CDH4: variants seen among roughly 807,000 people sequenced by gnomAD.
CDH4 encodes cadherin 4, also known as cadherin-4.
A neutral mutation model predicts 86.0 loss-of-function variants in CDH4; 33 were observed. That is an observed-to-expected ratio of 0.38 (90% CI 0.29 to 0.51). The LOEUF is 0.51. Among genes scored for constraint, CDH4 ranks in the 20% least tolerant of loss-of-function variants. The pLI is 0.86. For missense variants in CDH4, 1,114 were observed against 1,307.4 expected (o/e 0.85, Z 2.28); for synonymous variants, 555 against 549.4 (o/e 1.01, Z -0.14).
chr20:61,736,787 T>C (rs2088270847), intron 2 of CDH4, among the ~76,000 whole-genome samples: 1 of 151,952 alleles, frequency 6.6e-6, no homozygotes. Context: ...GATGGAGCCA[T>C]CATGAGGTCA....
chr20:61,595,755 G>A (rs2086552931), intron 2 of CDH4, among the ~76,000 whole-genome samples: 1 of 152,230 alleles, frequency 6.6e-6, no homozygotes, highest in Non-Finnish European at 1.5e-5. Context: ...GTACACTGCA[G>A]AGCTGGGCCA....
chr20:61,763,535 C>T (rs1002772864), intron 3 of CDH4, among the ~76,000 whole-genome samples: 9 of 152,226 alleles, frequency 5.9e-5, no homozygotes, highest in South Asian at 2.1e-4. Flanking sequence ...TGCAATGTGT[C>T]CAGAGGGTCT....
intron 4 of CDH4, among the ~76,000 whole-genome samples, chr20:61,799,997 G>A (rs549989177): frequency 2.7e-4 from 41 of 152,144 alleles, no homozygotes; most frequent in African/African-American, 9.6e-4. Flanking sequence ...CCCATGACCC[G>A]CTCGGCTGCA....
At chr20:61,496,967 T>G in intron 2 of CDH4, among the ~76,000 whole-genome samples, 1 of 151,866 alleles carries the variant, frequency 6.6e-6, no homozygotes, top group Non-Finnish European at 1.5e-5. Context: ...TTTTTTTTTT[T>G]TTTTTTTGCT....
In CDH4 at chr20:61,939,613, G is replaced by A. The variant is rs1436700380; in HGVS notation, c.*2670G>A. 1 of 152,310 alleles carries A rather than the reference G, an allele frequency of 6.6e-6. No homozygotes were observed. The highest frequency in any genetic ancestry group is 6.5e-5 in the Admixed American group (1 of 15,290). 9.4% of individuals were successfully genotyped at this position (152,310 alleles called of 1,614,324 possible). ...AGCGTTAGCTAAGCATACAATCAGT[G>A]TCGAACGTCTCTCTTCCTTAAGCTT... On this transcript the variant is annotated 3_prime_UTR_variant, in exon 16 of 16. Coordinates refer to ENST00000614565, the MANE Select transcript of CDH4 (RefSeq NM_001794.5).
intron 2 of CDH4, among the ~76,000 whole-genome samples, chr20:61,712,534 T>C (rs901284271): frequency 6.6e-6 from 1 of 152,158 alleles, no homozygotes; most frequent in African/African-American, 2.4e-5. Context: ...GCTCCTCCTC[T>C]TCTTCCCTCC....
chr20:61,868,972 CGTG>C (rs1983676872), intron 6 of CDH4, among the ~76,000 whole-genome samples: 1 of 152,040 alleles, frequency 6.6e-6, no homozygotes, highest in Non-Finnish European at 1.5e-5. Flanking sequence ...ACGTGGCAAA[CGTG>C]GCAGGCTGTG....
intron 2 of CDH4, among the ~76,000 whole-genome samples, chr20:61,396,380 A>G (rs999090726): frequency 3.9e-5 from 6 of 152,146 alleles, no homozygotes; most frequent in African/African-American, 1.4e-4. Flanking sequence ...TGGGGCCATC[A>G]TGGAGCTCGG....
chr20:61,902,483 C>T lies in CDH4; in HGVS notation c.1188+7436C>T, dbSNP rs1230823168. ...AGGAGCGTGCGGGGCCCCACCTTCC[C>T]AGGGATTTGCAGGCAAATGAGCGGC... On this transcript the variant is annotated intron_variant, in intron 8 of 15. Transcript: ENST00000614565. This position sits in a 1 kb window ranked among gnomAD's most constrained non-coding sequence, Gnocchi z 4.6. Among the ~76,000 whole-genome samples, 1 of 152,248 alleles carries T rather than the reference C, an allele frequency of 6.6e-6. No individual in the cohort carries two copies. Among genetic ancestry groups the T allele is most frequent in the East Asian group, 1.9e-4 (1 of 5,196 alleles).
At chr20:61,883,315 C>G (rs79333268) in intron 7 of CDH4, among the ~76,000 whole-genome samples, 3 of 152,192 alleles carry the variant, frequency 2.0e-5, no homozygotes, top group African/African-American at 7.2e-5. Context: ...ATACTCTTTG[C>G]TATTTGCTGT....
intron 2 of CDH4, among the ~76,000 whole-genome samples, chr20:61,311,294 C>T (rs1298564524): frequency 2.0e-5 from 3 of 152,064 alleles, no homozygotes; most frequent in South Asian, 2.1e-4. Context: ...GTAATGAAAT[C>T]AGAAAGGAAA....
At chr20:61,830,631 G>T (rs555099212) in intron 4 of CDH4, among the ~76,000 whole-genome samples, 1 of 152,236 alleles carries the variant, frequency 6.6e-6, no homozygotes, top group Non-Finnish European at 1.5e-5. Flanking sequence ...ACGCCCTAGC[G>T]TGTGCTCCGG....
At chr20:61,365,295 A>C (rs1017955414) in intron 2 of CDH4, among the ~76,000 whole-genome samples, 2 of 152,204 alleles carry the variant, frequency 1.3e-5, no homozygotes, top group African/African-American at 4.8e-5. Flanking sequence ...AACCTAAGTA[A>C]GTACAAAGAT....
At chr20:61,587,646 T>G (rs1232590946) in intron 2 of CDH4, among the ~76,000 whole-genome samples, 1 of 152,054 alleles carries the variant, frequency 6.6e-6, no homozygotes, top group African/African-American at 2.4e-5. Context: ...CACCACGTCT[T>G]CCACAGCGAT....
At chr20:61,843,217 G>A (rs941450494) in intron 4 of CDH4, among the ~76,000 whole-genome samples, 11 of 151,840 alleles carry the variant, frequency 7.2e-5, no homozygotes, top group Non-Finnish European at 1.5e-4. Flanking sequence ...TTGGGAGGCC[G>A]AGGCGGGTGA....
chr20:61,931,059 C>T (rs1002493638), intron 13 of CDH4, among the ~76,000 whole-genome samples: 8 of 152,238 alleles, frequency 5.3e-5, no homozygotes, highest in Non-Finnish European at 1.0e-4. Context: ...TCTGCCCAGT[C>T]GTGGGCACCT....
At chr20:61,440,400 C>T (rs1253819703) in intron 2 of CDH4, among the ~76,000 whole-genome samples, 1 of 152,210 alleles carries the variant, frequency 6.6e-6, no homozygotes, top group East Asian at 1.9e-4. Flanking sequence ...AGCCACAATG[C>T]TTGTTAGCCG....
chr20:61,319,967 A>G (rs1468997434), intron 2 of CDH4, among the ~76,000 whole-genome samples: 1 of 151,774 alleles, frequency 6.6e-6, no homozygotes, highest in African/African-American at 2.4e-5. Flanking sequence ...AAAAAAAAAA[A>G]ATGGTGAATA....
intron 2 of CDH4, among the ~76,000 whole-genome samples, chr20:61,634,569 G>A (rs994620385): frequency 2.0e-5 from 3 of 152,228 alleles, no homozygotes; most frequent in Non-Finnish European, 4.4e-5. Context: ...AAGCATCTGT[G>A]GCCTCCTGTG....
Sources: allele counts gnomAD v4.1 joint callset (sites outside exome capture counted in the v4.1 genomes callset), GRCh38; gene constraint gnomAD v4.1.1; non-coding constraint Gnocchi (gnomAD v3.1); transcripts MANE v1.5; gene names NCBI Gene and HGNC (gene_info 2026-07-23, HGNC 2026-07-21).